Variants in NUP50 observed in about 807,000 individuals in gnomAD.
NUP50 encodes nucleoporin 50, also known as nuclear pore complex protein Nup50.
Under a neutral mutation model 36.8 loss-of-function variants are expected in NUP50, and 14 were observed. The ratio of observed to expected loss-of-function variants is 0.38; its 90% confidence interval spans 0.25 to 0.59. The LOEUF is 0.59. Ranked by LOEUF, NUP50 falls within the 20% of genes least tolerant of loss-of-function variation. The pLI, the probability that NUP50 is intolerant of heterozygous loss-of-function variation, is 0.63. For missense variants in NUP50, 455 were observed against 564.6 expected (o/e 0.81, Z 1.97); for synonymous variants, 195 against 210.8 (o/e 0.93, Z 0.65).
intron 4 of NUP50, chr22:45,178,008 C>A: frequency 2.0e-6 from 1 of 488,254 alleles, no homozygotes; most frequent in Non-Finnish European, 3.7e-6. Context: ...TGCCCGTAAT[C>A]CCACCTACTC....
intron 6 of NUP50, among the ~76,000 whole-genome samples, chr22:45,181,717 C>A (rs778444447): frequency 6.6e-6 from 1 of 152,080 alleles, no homozygotes; most frequent in African/African-American, 2.4e-5. Context: ...ACAAAGAAAT[C>A]GCAGAGTCAG....
intron 2 of NUP50, chr22:45,170,965 A>G (rs1436519750): frequency 7.7e-7 from 1 of 1,303,024 alleles, no homozygotes; most frequent in Non-Finnish European, 1.0e-6. Flanking sequence ...TTGCATGAGA[A>G]ATATTTTATT....
Position 45,184,670 on chromosome 22 carries a change from C to T in NUP50, c.*15C>T. On this transcript the variant is annotated 3_prime_UTR_variant, in exon 8 of 8. Transcript: ENST00000347635. ...AGGATGCCTGAACACGCAAAGTCGG[C>T]TGCAGAATTATTGCCAAGTTGCTGC... 1 of 1,601,112 alleles carries T rather than the reference C, an allele frequency of 6.2e-7. No individual in the cohort carries two copies. The highest frequency in any genetic ancestry group is 8.5e-7 in the Non-Finnish European group (1 of 1,173,766).
At chr22:45,171,496 A>G (rs2074193729) in intron 2 of NUP50, 104 bp from the exon 3 acceptor site, 4 of 1,105,902 alleles carry the variant, frequency 3.6e-6, no homozygotes, top group Admixed American at 3.9e-5. Context: ...TTTATTTTTG[A>G]GAGGCCGGAC....
rs1052248610 is a variant in NUP50 at position 45,179,064 on chromosome 22, T to G, written c.1003+164T>G. ...TAATCAGCTTCTCTGAGTTTCAGAT[T>G]CCTGCTTTATAAAAGAGTAAGACTT... On this transcript the variant is annotated intron_variant, in intron 5 of 7. Coordinates refer to ENST00000347635, the MANE Select transcript of NUP50 (RefSeq NM_007172.4). 4.9e-6 allele frequency: 3 copies of G among 613,034 alleles called. No individual in the cohort carries two copies. In the African/African-American group the frequency reaches 5.6e-5, roughly 11 times the overall value. The allele number at this position is 613,034 out of a possible 1,614,324, so 38.0% of individuals were successfully genotyped here.
intron 1 of NUP50, among the ~76,000 whole-genome samples, chr22:45,165,520 G>A (rs957225162): frequency 1.3e-5 from 2 of 152,184 alleles, no homozygotes; most frequent in African/African-American, 4.8e-5. Context: ...CATAACAGTA[G>A]CTAGACATAA....
chr22:45,176,008 A>G lies in NUP50; in HGVS notation c.268A>G (p.Asn90Asp). Residue 90 changes from asparagine to aspartate, a missense_variant, in exon 4 of 8, where the codon AAT becomes GAT. Transcript: ENST00000347635. ...AGGGAAGCCTTTGGAAGGACTGTCG[A>G]ATGGAAACAACATAACCAGTGCCCC... ...AGGKPLEGLS[N>D]GNNITSAPPF... is the part of the protein sequence containing the mutation. 6.2e-7 allele frequency: 1 copy of G among 1,614,186 alleles called. No homozygotes were observed.
At chr22:45,177,889 G>A (rs1369139253) in intron 4 of NUP50, 1 of 222,548 alleles carries the variant, frequency 4.5e-6, no homozygotes, top group Non-Finnish European at 9.1e-6. Context: ...AGCACTTTGG[G>A]AGTCCGAGGC....
intron 7 of NUP50, 126 bp downstream of exon 7, chr22:45,183,646 TTTAC>T: frequency 1.5e-6 from 1 of 683,922 alleles, no homozygotes; most frequent in Non-Finnish European, 2.7e-6. Context: ...TCATCCTGTA[TTTAC>T]TTATTTATAG....
At chr22:45,167,146 T>C (rs1453472181) in intron 1 of NUP50, among the ~76,000 whole-genome samples, 16 of 152,270 alleles carry the variant, frequency 1.1e-4, no homozygotes, top group Admixed American at 7.8e-4. Context: ...TATTGTGGTG[T>C]TGAGAGCAAA....
intron 4 of NUP50, among the ~76,000 whole-genome samples, chr22:45,177,311 G>A (rs2074291562): frequency 6.6e-6 from 1 of 152,256 alleles, no homozygotes; most frequent in South Asian, 2.1e-4. Flanking sequence ...CTCCCCAGTA[G>A]CTGGGATTAT....
At chr22:45,179,543 ATGG>A (rs1308524829) in intron 5 of NUP50, among the ~76,000 whole-genome samples, 1 of 152,136 alleles carries the variant, frequency 6.6e-6, no homozygotes, top group Non-Finnish European at 1.5e-5. Flanking sequence ...GCTTCCTCAC[ATGG>A]TGGTTGTGAA....
chr22:45,166,803 C>T (rs1222851332), intron 1 of NUP50, among the ~76,000 whole-genome samples: 2 of 150,914 alleles, frequency 1.3e-5, no homozygotes, highest in African/African-American at 4.9e-5. Context: ...TTTGGGTGGA[C>T]ATTAAAAAGA....
intron 6 of NUP50, among the ~76,000 whole-genome samples, chr22:45,182,302 G>A (rs532299434): frequency 1.0e-3 from 159 of 152,092 alleles, no homozygotes; most frequent in African/African-American, 3.6e-3. Flanking sequence ...TTAGCCTAAT[G>A]TGGTGGCGCA....
intron 2 of NUP50, among the ~76,000 whole-genome samples, chr22:45,169,247 A>G (rs545297116): frequency 1.3e-5 from 2 of 152,288 alleles, no homozygotes; most frequent in Admixed American, 6.5e-5. Context: ...GCATGAGCCT[A>G]TAGTCACAGC....
chr22:45,178,200 T>TG lies in NUP50; in HGVS notation c.341-38_341-37insG. The TG allele has an allele frequency of 1.9e-6, 3 of 1,565,334 alleles. No individual in the cohort carries two copies. In the South Asian group the frequency reaches 3.6e-5, roughly 19 times the overall value. On this transcript the variant is annotated intron_variant, in intron 4 of 7. Coordinates refer to ENST00000347635, the MANE Select transcript of NUP50 (RefSeq NM_007172.4). ...AAAAATCTAGATGATTTAATCAAAT[T>TG]AGGCTAAATAAATGGTTCAATTATT...
At chr22:45,170,344 C>T (rs1426730632) in intron 2 of NUP50, among the ~76,000 whole-genome samples, 1 of 97,418 alleles carries the variant, frequency 1.0e-5, no homozygotes, top group Non-Finnish European at 2.0e-5. Flanking sequence ...GGAGAACACC[C>T]GCAAAGCCCA....
At chr22:45,182,584 AATG>A (rs1022178488) in intron 6 of NUP50, among the ~76,000 whole-genome samples, 1 of 150,604 alleles carries the variant, frequency 6.6e-6, no homozygotes, top group Non-Finnish European at 1.5e-5. Flanking sequence ...TTTATTTAAA[AATG>A]TTGTGCAATC....
chr22:45,178,936 A>C (rs750316630), intron 5 of NUP50, 36 bp downstream of exon 5: 1 of 1,559,348 alleles, frequency 6.4e-7, no homozygotes, highest in East Asian at 2.2e-5. Flanking sequence ...CGAGGTTTGC[A>C]TAAGATTCTT....
Sources: gnomAD v4.1 joint callset for allele counts (sites outside exome capture counted in the v4.1 genomes callset) on GRCh38, gnomAD v4.1.1 for gene constraint, MANE v1.5 for transcripts, NCBI Gene and HGNC (gene_info 2026-07-23, HGNC 2026-07-21) for gene names.